Variants in GAB1 observed in about 807,000 individuals in gnomAD.
GAB1 encodes the protein GRB2-associated-binding protein 1.
Under a neutral mutation model 66.5 loss-of-function variants are expected in GAB1, and 19 were observed. The observed-to-expected ratio is 0.29, with a 90% confidence interval of 0.20 to 0.42. GAB1 has a LOEUF of 0.42. Ranked by LOEUF, GAB1 falls within the 10% of genes least tolerant of loss-of-function variation. GAB1 has a pLI of 1.00. For synonymous variants in GAB1, 294 were observed against 301.4 expected (o/e 0.98, Z 0.25); for missense variants, 732 against 858.5 (o/e 0.85, Z 1.84).
chr4:143,459,475 G>A lies in GAB1; in HGVS notation c.1676G>A (p.Arg559Gln). Residue 559 changes from arginine (R) to glutamine (Q), a missense_variant, in exon 7 of 10, where the codon CGA becomes CAA. Coordinates refer to ENST00000262994, the MANE Select transcript of GAB1 (RefSeq NM_002039.4). ...TCTCCCATCACTAGGAGTTTTGCTC[G>A]AGAGTAAGTCCTTTGTCTAAAATAT... ...VRSPITRSFARDSSRFPMSPR... is the reference protein window; with the variant it reads ...VRSPITRSFAQDSSRFPMSPR... 1.3e-6 allele frequency: 2 copies of A among 1,508,756 alleles called. No homozygotes were observed. The highest frequency in any genetic ancestry group is 1.8e-6 in the Non-Finnish European group (2 of 1,084,270). The allele number at this position is 1,508,756 out of a possible 1,614,324, so 93.5% of individuals were successfully genotyped here.
chr4:143,415,197 A>G (rs1732615143), intron 1 of GAB1, among the ~76,000 whole-genome samples: 1 of 152,202 alleles, frequency 6.6e-6, no homozygotes, highest in Non-Finnish European at 1.5e-5. Context: ...ATATTTAGTA[A>G]AAACTGAATC....
Position 143,469,256 on chromosome 4 carries a change from T to A in GAB1, c.*67T>A, listed in dbSNP as rs1447265475. On this transcript the variant is annotated 3_prime_UTR_variant, in exon 10 of 10. Coordinates refer to ENST00000262994, the MANE Select transcript of GAB1 (RefSeq NM_002039.4). Reference sequence around the variant, plus strand: ...GTAAAGATAAATCCCTTTTGAAGAATGACTTGACACTTCCACTCTAGGTAG... The same window carrying A: ...GTAAAGATAAATCCCTTTTGAAGAAAGACTTGACACTTCCACTCTAGGTAG... The A allele has an allele frequency of 6.7e-7, 1 of 1,503,512 alleles. No individual in the cohort carries two copies. Among genetic ancestry groups the A allele is most frequent in the African/African-American group, 1.4e-5 (1 of 72,150 alleles). 93.1% of individuals were successfully genotyped at this position (1,503,512 alleles called of 1,614,324 possible).
intron 6 of GAB1, among the ~76,000 whole-genome samples, chr4:143,443,532 C>G (rs1025962927): frequency 3.3e-5 from 5 of 152,130 alleles, no homozygotes; most frequent in Admixed American, 2.6e-4. Context: ...AATAATGTCT[C>G]GTTTGGTCCT....
rs201584092 is a variant in GAB1, at chr4:143,470,813, T to C, written c.*1624T>C. On this transcript the variant is annotated 3_prime_UTR_variant, in exon 10 of 10. Coordinates refer to ENST00000262994, the MANE Select transcript of GAB1 (RefSeq NM_002039.4). ...TGGCCATAGTACTGTGCCTAATCAA[T>C]GTAATAGGTTTATTTTCCCAATCCT... The C allele has an allele frequency of 1.3e-5, 2 of 152,222 alleles. No homozygotes were observed. Among genetic ancestry groups the C allele is most frequent in the East Asian group, 3.8e-4 (2 of 5,204 alleles). 9.4% of individuals were successfully genotyped at this position (152,222 alleles called of 1,614,324 possible).
intron 2 of GAB1, among the ~76,000 whole-genome samples, chr4:143,430,425 C>T (rs1733594228): frequency 6.6e-6 from 1 of 152,114 alleles, no homozygotes; most frequent in South Asian, 2.1e-4. Flanking sequence ...GAAGATTAAA[C>T]ATCATTTTGG....
chr4:143,371,678 T>C (rs1730127465), intron 1 of GAB1, among the ~76,000 whole-genome samples: 1 of 152,240 alleles, frequency 6.6e-6, no homozygotes, highest in Non-Finnish European at 1.5e-5. Flanking sequence ...TTTTTATGGT[T>C]TTAGGTCTAA....
At chr4:143,440,983 TATTTA>T (rs1428097304) in intron 6 of GAB1, among the ~76,000 whole-genome samples, 2 of 152,230 alleles carry the variant, frequency 1.3e-5, no homozygotes, top group East Asian at 3.8e-4. Flanking sequence ...TTGACATAAT[TATTTA>T]AGAACAGTGA....
intron 1 of GAB1, among the ~76,000 whole-genome samples, chr4:143,344,701 T>G (rs935808164): frequency 6.6e-6 from 1 of 152,136 alleles, no homozygotes; most frequent in African/African-American, 2.4e-5. Context: ...AGAAAAGTCA[T>G]TTTTAGGAAC....
intron 6 of GAB1, among the ~76,000 whole-genome samples, chr4:143,441,592 A>G (rs557719403): frequency 1.3e-5 from 2 of 149,386 alleles, no homozygotes; most frequent in South Asian, 4.2e-4. Flanking sequence ...GGTTATCAGG[A>G]ACTGAAGCAA....
chr4:143,438,505 C>A lies in GAB1; in HGVS notation c.1100C>A (p.Ser367Ter), dbSNP rs761657658. The A allele has an allele frequency of 6.2e-7, 1 of 1,614,048 alleles. No homozygotes were observed. ...VETCSIPRTA[S>*]DTDSSYCIPT... ...ACGTGTAGTATCCCACGCACCGCCT[C>A]AGACACTGACAGTAGTTACTGTATC... The change falls in exon 4 of 10, where the codon TCA (serine) becomes TAA (stop). Residue 367 changes from serine (S) to a stop codon, truncating the protein, a stop_gained. Transcript: ENST00000262994. LOFTEE classifies it high-confidence loss of function.
chr4:143,455,988 A>G (rs1384059726), intron 6 of GAB1, among the ~76,000 whole-genome samples: 1 of 152,202 alleles, frequency 6.6e-6, no homozygotes, highest in Non-Finnish European at 1.5e-5. Flanking sequence ...TTAAAGTGTA[A>G]CCTGAACAAA....
chr4:143,472,208 A>G lies in GAB1; in HGVS notation c.*3019A>G, dbSNP rs1736110621. On this transcript the variant is annotated 3_prime_UTR_variant, in exon 10 of 10. Coordinates refer to ENST00000262994, the MANE Select transcript of GAB1 (RefSeq NM_002039.4). ...CAGTTTATACATCTTTATCATTATC[A>G]ATACTATATAAGTTACTGTGAGCAT... The G allele has an allele frequency of 6.6e-6, 1 of 152,202 alleles. No homozygotes were observed. Among genetic ancestry groups the G allele is most frequent in the African/African-American group, 2.4e-5 (1 of 41,462 alleles). 9.4% of individuals were successfully genotyped at this position (152,202 alleles called of 1,614,324 possible).
intron 2 of GAB1, chr4:143,425,955 C>A: frequency 3.6e-6 from 3 of 844,406 alleles, no homozygotes; most frequent in Non-Finnish European, 5.7e-6. Context: ...GGTTCTTAAG[C>A]AACATGGAAA....
chr4:143,368,895 C>T (rs1218352206), intron 1 of GAB1, among the ~76,000 whole-genome samples: 1 of 152,144 alleles, frequency 6.6e-6, no homozygotes, highest in Non-Finnish European at 1.5e-5. Context: ...AGCGATTCTC[C>T]TGCCTTAGCC....
chr4:143,354,066 C>G (rs1028094608), intron 1 of GAB1, among the ~76,000 whole-genome samples: 2 of 152,162 alleles, frequency 1.3e-5, no homozygotes, highest in Non-Finnish European at 2.9e-5. Flanking sequence ...AGGGTTGTTG[C>G]TGTATGCTGG....
chr4:143,446,752 C>T (rs1734573850), intron 6 of GAB1, among the ~76,000 whole-genome samples: 2 of 152,016 alleles, frequency 1.3e-5, no homozygotes, highest in Non-Finnish European at 2.9e-5. Flanking sequence ...GTTGCCTGTT[C>T]ACTCTGATGG....
intron 3 of GAB1, among the ~76,000 whole-genome samples, chr4:143,435,120 G>A (rs1461643546): frequency 6.6e-6 from 1 of 151,750 alleles, no homozygotes; most frequent in African/African-American, 2.4e-5. Context: ...ATTATTACTG[G>A]GCTAGGATCA....
chr4:143,349,326 G>T lies in GAB1; in HGVS notation c.72+12066G>T, dbSNP rs528643057. 4.1e-4 allele frequency: 507 copies of T among 1,246,184 alleles called. 7 individuals carry two copies. The South Asian group carries it at 5.7e-3, about 14-fold the overall frequency. 77.2% of individuals were successfully genotyped at this position (1,246,184 alleles called of 1,614,324 possible). ...GAGTCCGCTGCATGGAGACTCTGGT[G>T]TGGGTCTTGACTAGGTGGTCAGTGA... On this transcript the variant is annotated intron_variant, in intron 1 of 9. Transcript: ENST00000262994.
chr4:143,437,241 T>C (rs1733985578), intron 3 of GAB1, among the ~76,000 whole-genome samples: 1 of 152,174 alleles, frequency 6.6e-6, no homozygotes, highest in Non-Finnish European at 1.5e-5. Flanking sequence ...TGTTTAGCAT[T>C]AAGGAAGTGA....
Sources: gnomAD v4.1 joint callset for allele counts (sites outside exome capture counted in the v4.1 genomes callset) on GRCh38, gnomAD v4.1.1 for gene constraint, MANE v1.5 for transcripts, NCBI Gene and HGNC (gene_info 2026-07-23, HGNC 2026-07-21) for gene names.